Variants in PTPN21 observed in about 807,000 individuals in gnomAD.
The protein encoded by PTPN21 is protein tyrosine phosphatase non-receptor type 21.
PTPN21 carries 77 observed loss-of-function variants against 131.8 expected under a neutral mutation model. The ratio of observed to expected loss-of-function variants is 0.58; its 90% confidence interval spans 0.49 to 0.71. The LOEUF (loss-of-function observed/expected upper bound fraction) is 0.71. Among genes scored for constraint, PTPN21 ranks in the 30% least tolerant of loss-of-function variants. The pLI, the probability that PTPN21 is intolerant of heterozygous loss-of-function variation, is 0.00. For missense variants in PTPN21, 1,552 were observed against 1,527.1 expected (o/e 1.02, Z -0.27); for synonymous variants, 715 against 621.3 (o/e 1.15, Z -2.24).
intron 13 of PTPN21, among the ~76,000 whole-genome samples, chr14:88,476,587 G>A (rs769129158): frequency 1.3e-5 from 2 of 152,170 alleles, no homozygotes; most frequent in South Asian, 2.1e-4. Context: ...ATAATGCCAC[G>A]AAGCAGGCAG....
rs1010727580 is a variant in PTPN21 at position 88,533,236 on chromosome 14, T to C, written c.181-15975A>G. On this transcript the variant is annotated intron_variant, in intron 2 of 18. Coordinates refer to ENST00000556564, the MANE Select transcript of PTPN21 (RefSeq NM_007039.4). ...ATTTCTGTTTTGGTACCTGCTGTTA[T>C]TTGTTTTTTGAAAGGTTTAACTAGT... Among the ~76,000 whole-genome samples the C allele has an allele frequency of 2.0e-5, 3 of 152,236 alleles. No individual in the cohort carries two copies. In the East Asian group the frequency reaches 5.8e-4, roughly 29 times the overall value.
chr14:88,503,101 T>G (rs963007570), intron 6 of PTPN21, among the ~76,000 whole-genome samples: 2 of 151,464 alleles, frequency 1.3e-5, no homozygotes, highest in African/African-American at 4.9e-5. Context: ...AGTGGCACGA[T>G]CTCAGCTCAC....
chr14:88,498,136 C>T (rs896111139), intron 8 of PTPN21, among the ~76,000 whole-genome samples: 27 of 151,434 alleles, frequency 1.8e-4, no homozygotes, highest in Admixed American at 7.2e-4. Flanking sequence ...CTAGGCCAGG[C>T]GAGGTGGCAG....
chr14:88,485,259 A>G, intron 11 of PTPN21, 99 bp from the exon 12 acceptor site: 1 of 638,826 alleles, frequency 1.6e-6, no homozygotes, highest in South Asian at 3.0e-5. Context: ...AAAAACTTCT[A>G]AAGGAATTAA....
chr14:88,501,016 A>G (rs1181118726), intron 7 of PTPN21, 145 bp from the exon 8 acceptor site: 1 of 664,638 alleles, frequency 1.5e-6, no homozygotes, highest in African/African-American at 1.8e-5. Flanking sequence ...TCTGAATGAG[A>G]TCTATGATCT....
At chr14:88,506,587 T>G (rs1233072827) in intron 4 of PTPN21, among the ~76,000 whole-genome samples, 1 of 152,138 alleles carries the variant, frequency 6.6e-6, no homozygotes, top group African/African-American at 2.4e-5. Flanking sequence ...CATCTTTATC[T>G]ATTATGATTG....
At chr14:88,501,488 A>G (rs1184227163) in intron 6 of PTPN21, 120 bp from the exon 7 acceptor site, 1 of 856,314 alleles carries the variant, frequency 1.2e-6, no homozygotes, top group East Asian at 2.5e-5. Flanking sequence ...TCACGTTTCT[A>G]AGCATCTATA....
At chr14:88,492,036 A>AC (rs1200094903) in intron 10 of PTPN21, among the ~76,000 whole-genome samples, 1 of 150,970 alleles carries the variant, frequency 6.6e-6, no homozygotes, top group African/African-American at 2.5e-5. Flanking sequence ...GCAAAAAAAA[A>AC]AACACAAAAC....
intron 2 of PTPN21, among the ~76,000 whole-genome samples, chr14:88,545,995 T>TTA (rs1438865362): frequency 1.3e-5 from 1 of 77,862 alleles, no homozygotes; most frequent in Admixed American, 1.6e-4. Flanking sequence ...CTGTCTCAAA[T>TTA]AAAAAAAAAA....
At chr14:88,518,386 G>GTATATATATATATATATATATATA (rs71126987) in intron 2 of PTPN21, among the ~76,000 whole-genome samples, 1 of 9,708 alleles carries the variant, frequency 1.0e-4, no homozygotes, top group Non-Finnish European at 2.2e-4. Context: ...GTGTGTGTGT[G>GTATATATATATATATATATATATA]TATATATATA....
chr14:88,524,382 C>T (rs147326030), intron 2 of PTPN21, among the ~76,000 whole-genome samples: 360 of 152,244 alleles, frequency 2.4e-3, no homozygotes, highest in African/African-American at 7.0e-3. Context: ...AAAGAATACT[C>T]TCTTCAGCAA....
intron 18 of PTPN21, 59 bp from the exon 19 acceptor site, chr14:88,468,324 G>A (rs2140075161): frequency 2.7e-6 from 4 of 1,475,282 alleles, no homozygotes; most frequent in South Asian, 1.3e-5. Context: ...CAGAAAGGAT[G>A]GGAGGACACG....
chr14:88,508,633 G>T (rs1366424486), intron 3 of PTPN21, among the ~76,000 whole-genome samples: 3 of 152,176 alleles, frequency 2.0e-5, no homozygotes, highest in African/African-American at 7.2e-5. Flanking sequence ...TTTAGTTGGA[G>T]AAATGGAAAG....
chr14:88,473,718 G>A lies in PTPN21; in HGVS notation c.2596C>T (p.Pro866Ser), dbSNP rs1250664811. 7 of 1,612,452 alleles carry A rather than the reference G, an allele frequency of 4.3e-6. No individual in the cohort carries two copies. The highest frequency in any genetic ancestry group is 1.3e-5 in the African/African-American group (1 of 74,610). Residue 866 changes from proline to serine, a missense_variant, in exon 14 of 19, where the codon CCT becomes TCT. Physicochemically the swap from Pro to Ser is moderately conservative, Grantham distance 74. Around this residue, in one of 4 missense-constraint regions of PTPN21, gnomAD observed 1,016 missense variants for 883.5 expected, o/e 1.15. Coordinates refer to ENST00000556564, the MANE Select transcript of PTPN21 (RefSeq NM_007039.4). The part of the protein sequence containing the change: ...ALNGLSLSRV[P>S]LPDEGKEVAT... ...ACTTCCTTTCCTTCATCAGGCAGAGGCACTCGAGATAGGGAGAGTCCATTT... is the reference window on the plus strand; with the variant it reads ...ACTTCCTTTCCTTCATCAGGCAGAGACACTCGAGATAGGGAGAGTCCATTT...
intron 10 of PTPN21, chr14:88,492,893 A>G (rs1162616940): frequency 3.0e-6 from 1 of 338,928 alleles, no homozygotes; most frequent in Non-Finnish European, 5.8e-6. Context: ...GGGGACACGA[A>G]GATGAGGAAG....
intron 2 of PTPN21, chr14:88,547,682 A>G (rs1424546111): frequency 2.2e-6 from 1 of 455,350 alleles, no homozygotes; most frequent in African/African-American, 2.0e-5. Flanking sequence ...GTAAGCAGGG[A>G]CTGGTTACTG....
At chr14:88,508,073 T>C (rs10143744) in intron 3 of PTPN21, 53 bp from the exon 4 acceptor site, 303,371 of 958,002 alleles carry the variant, frequency 0.32, 49,725 homozygotes, top group African/African-American at 0.48. Flanking sequence ...CTCATTGAGA[T>C]ACAATGCATT....
intron 2 of PTPN21, among the ~76,000 whole-genome samples, chr14:88,531,678 G>A (rs2078557210): frequency 6.6e-6 from 1 of 152,016 alleles, no homozygotes; most frequent in African/African-American, 2.4e-5. Flanking sequence ...GTCTGAAAGA[G>A]CACACAGACA....
intron 13 of PTPN21, among the ~76,000 whole-genome samples, chr14:88,477,301 C>T (rs2077559952): frequency 6.6e-6 from 1 of 151,774 alleles, no homozygotes; most frequent in African/African-American, 2.4e-5. Flanking sequence ...GGTGTGGTGG[C>T]TCACACCTGT....
Sources: gnomAD v4.1 joint callset for allele counts (sites outside exome capture counted in the v4.1 genomes callset) on GRCh38, gnomAD v4.1.1 for gene constraint, gnomAD v4.1.1 regional missense constraint, MANE v1.5 for transcripts, NCBI Gene and HGNC (gene_info 2026-07-23, HGNC 2026-07-21) for gene names.